Variants in PIGG observed in about 807,000 individuals in gnomAD.
PIGG encodes the protein phosphatidylinositol glycan anchor biosynthesis class G (EMM blood group).
A neutral mutation model predicts 83.2 loss-of-function variants in PIGG; 70 were observed. The ratio of observed to expected loss-of-function variants is 0.84; its 90% CI spans 0.69 to 1.03. The LOEUF (loss-of-function observed/expected upper bound fraction) is 1.03, where lower values mean the gene tolerates loss of function less well. Among genes scored for constraint, PIGG ranks in the 50% least tolerant of loss-of-function variants. PIGG has a pLI of 0.00. For synonymous variants in PIGG, 532 were observed against 519.5 expected (o/e 1.02, Z -0.33); for missense variants, 1,257 against 1,233.6 (o/e 1.02, Z -0.28).
intron 12 of PIGG, among the ~76,000 whole-genome samples, chr4:535,889 T>C (rs1317407203): frequency 6.6e-6 from 1 of 152,168 alleles, no homozygotes; most frequent in Non-Finnish European, 1.5e-5. Flanking sequence ...CAGGGACCCT[T>C]GGCCTTGCCT....
At chr4:504,950 G>T (rs944764802) in intron 2 of PIGG, among the ~76,000 whole-genome samples, 2 of 152,162 alleles carry the variant, frequency 1.3e-5, no homozygotes, top group Non-Finnish European at 2.9e-5. Flanking sequence ...GCAAATTGCT[G>T]AAAGTTCACG....
In PIGG at chr4:500,387, A is replaced by C. The variant is rs782778397; in HGVS notation, c.155-9A>C. 6.2e-7 allele frequency: 1 copy of C among 1,606,986 alleles called. No individual in the cohort carries two copies. The highest frequency in any genetic ancestry group is 8.5e-7 in the Non-Finnish European group (1 of 1,175,588). ...GTTCAATTTCCTTTTTTTTCTTTCA[A>C]ACACTTAGGAGCCAGTTCTAACTGG... On this transcript the variant is annotated splice_polypyrimidine_tract_variant and intron_variant, in intron 1 of 12. Transcript: ENST00000453061.
At chr4:534,021 G>A (rs763042815) in intron 12 of PIGG, 40 bp downstream of exon 12, 22 of 1,594,804 alleles carry the variant, frequency 1.4e-5, no homozygotes, top group East Asian at 2.2e-5. Context: ...TCTGGGGGCC[G>A]GCTGCCTGGT....
In PIGG at chr4:528,343, G is replaced by A. The variant is rs970804634; in HGVS notation, c.2261+1113G>A. ...TTTTTACTTATTTTTGTATCTTAGC[G>A]ATGTCTAGAGTTAATAAGTGTTGCT... On this transcript the variant is annotated intron_variant, in intron 10 of 12. Coordinates refer to ENST00000453061, the MANE Select transcript of PIGG (RefSeq NM_001127178.3). The surrounding 1 kb of genome is among the most constrained non-coding windows in gnomAD (Gnocchi z 4.8). 11 of 985,042 alleles carry A rather than the reference G, an allele frequency of 1.1e-5. No individual in the cohort carries two copies. Among genetic ancestry groups the A allele is most frequent in the Non-Finnish European group, 1.2e-5 (10 of 829,776 alleles). 61.0% of individuals were successfully genotyped at this position (985,042 alleles called of 1,614,324 possible).
intron 2 of PIGG, among the ~76,000 whole-genome samples, chr4:503,608 CT>C (rs575087493): frequency 9.2e-5 from 14 of 152,172 alleles, no homozygotes; most frequent in Non-Finnish European, 1.8e-4. Flanking sequence ...TCAAGTGGCA[CT>C]TCCATAGGAA....
At chr4:505,632 CAAA>C (rs374663154) in intron 2 of PIGG, 83 bp from the exon 3 acceptor site, 1,725 of 732,934 alleles carry the variant, frequency 2.4e-3, no homozygotes, top group Non-Finnish European at 2.6e-3. Context: ...GACCCTGTCT[CAAA>C]AAAAAAAAAA....
chr4:504,758 T>C (rs982767457), intron 2 of PIGG, among the ~76,000 whole-genome samples: 1 of 152,168 alleles, frequency 6.6e-6, no homozygotes, highest in South Asian at 2.1e-4. Flanking sequence ...CAGAGATCTG[T>C]TACCCATTAC....
rs367723108 is a variant in PIGG at position 530,651 on chromosome 4, T to C, written c.2477T>C (p.Leu826Pro). The C allele has an allele frequency of 1.9e-6, 3 of 1,613,560 alleles. No homozygotes were observed. Among genetic ancestry groups the C allele is most frequent in the Non-Finnish European group, 2.5e-6 (3 of 1,179,454 alleles). Residue 826 changes from leucine to proline, a missense_variant, in exon 11 of 13, where the codon CTA (leucine) becomes CCA (proline). Transcript: ENST00000453061. ...GCATTTAGCCTCTTGATTCAGACTCTAATGACTAAATTCATCTGGAAGCCC... is the reference window on the plus strand; with the variant it reads ...GCATTTAGCCTCTTGATTCAGACTCCAATGACTAAATTCATCTGGAAGCCC... ...VLAFSLLIQT[L>P]MTKFIWKPLR... is the part of the protein sequence containing the mutation.
chr4:515,479 A>G lies in PIGG; in HGVS notation c.902-494A>G, dbSNP rs1049071050. On this transcript the variant is annotated intron_variant, in intron 5 of 12. Coordinates refer to ENST00000453061, the MANE Select transcript of PIGG (RefSeq NM_001127178.3). This position sits in a 1 kb window ranked among gnomAD's most constrained non-coding sequence, Gnocchi z 4.2. ...TGCCTCATTCTGCGCTCCCCTATAG[A>G]AGCACCCACAGCTGCCCAGGAGCCG... Among the ~76,000 whole-genome samples, 1 of 152,144 alleles carries G rather than the reference A, an allele frequency of 6.6e-6. No individual in the cohort carries two copies. The highest frequency in any genetic ancestry group is 1.5e-5 in the Non-Finnish European group (1 of 68,028).
rs1472549633 is a variant in PIGG at position 499,395 on chromosome 4, C to G, written c.60C>G (p.Ile20Met). 1.9e-6 allele frequency: 3 copies of G among 1,609,832 alleles called. No homozygotes were observed. The highest frequency in any genetic ancestry group is 2.5e-6 in the Non-Finnish European group (3 of 1,179,914). ...GCGTAGCGATCGAGGTGCTAGGGAT[C>G]GCGGTCTTCCTTCGGGGATTCTTCC... is the stretch of plus-strand genomic sequence containing the variant. ...TCCVAIEVLG[I>M]AVFLRGFFPA... Residue 20 changes from isoleucine to methionine, a missense_variant, in exon 1 of 13, where the codon ATC becomes ATG. Coordinates refer to ENST00000453061, the MANE Select transcript of PIGG (RefSeq NM_001127178.3).
intron 2 of PIGG, chr4:501,916 G>T: frequency 6.6e-6 from 1 of 152,366 alleles, no homozygotes. Flanking sequence ...TGGAAGGAAT[G>T]GAGAGGGAGG....
rs1458461145 is a variant in PIGG, at chr4:515,897, G to C, written c.902-76G>C. On this transcript the variant is annotated intron_variant, in intron 5 of 12. Transcript: ENST00000453061. This position sits in a 1 kb window ranked among gnomAD's most constrained non-coding sequence, Gnocchi z 4.2. Reference sequence around the variant, plus strand: ...GATCATTTGGCTCATGTTAGTTGTAGAAGGTCTAATTCAAGAATGAGTACC... The same window carrying C: ...GATCATTTGGCTCATGTTAGTTGTACAAGGTCTAATTCAAGAATGAGTACC... The C allele has an allele frequency of 1.8e-6, 2 of 1,132,968 alleles. No individual in the cohort carries two copies. Among genetic ancestry groups the C allele is most frequent in the Non-Finnish European group, 2.7e-6 (2 of 746,016 alleles). 70.2% of individuals were successfully genotyped at this position (1,132,968 alleles called of 1,614,324 possible). A position where few individuals can be genotyped will look rare whatever the true frequency, so the allele number is the denominator to read the frequency against.
At chr4:538,935 G>A (rs1053505654) in intron 12 of PIGG, among the ~76,000 whole-genome samples, 6 of 152,160 alleles carry the variant, frequency 3.9e-5, no homozygotes, top group Admixed American at 1.3e-4. Flanking sequence ...CTAGAACACA[G>A]CCTCCAAGGG....
At position 533,849 on chromosome 4, in the gene PIGG, T is replaced by C. The variant is rs768109381; in HGVS notation, c.2603T>C (p.Ile868Thr). ...TCCAACAACATTGCCACCGTGGACA[T>C]CTCCGCAGGCTTCGTGGGCTTAGAC... is the stretch of plus-strand genomic sequence containing the variant. Reference protein sequence around the residue: ...GNSNNIATVDISAGFVGLDTY... With the variant: ...GNSNNIATVDTSAGFVGLDTY... The change falls in exon 12 of 13, where the codon ATC (isoleucine) becomes ACC (threonine). Residue 868 changes from isoleucine (I) to threonine (T), a missense_variant. Transcript: ENST00000453061. 2.5e-6 allele frequency: 4 copies of C among 1,614,228 alleles called. No individual in the cohort carries two copies. The highest frequency in any genetic ancestry group is 1.1e-5 in the South Asian group (1 of 91,088).
intron 2 of PIGG, 72 bp from the exon 3 acceptor site, chr4:505,646 A>AAC (rs1466076194): frequency 1.7e-6 from 2 of 1,149,008 alleles, no homozygotes; most frequent in South Asian, 1.4e-5. Context: ...AAAAAAAAAA[A>AAC]AAATCTTCAG....
intron 12 of PIGG, among the ~76,000 whole-genome samples, chr4:535,386 C>T (rs1382181744): frequency 6.6e-6 from 1 of 152,234 alleles, no homozygotes; most frequent in Non-Finnish European, 1.5e-5. Context: ...CACGAATCCC[C>T]GCAGCGCCTA....
At position 499,260 on chromosome 4, in the gene PIGG, T is replaced by G. The variant is rs1442419314; in HGVS notation, c.-76T>G. The G allele has an allele frequency of 6.6e-7, 1 of 1,520,252 alleles. No homozygotes were observed. The highest frequency in any genetic ancestry group is 1.4e-5 in the African/African-American group (1 of 72,868). 94.2% of individuals were successfully genotyped at this position (1,520,252 alleles called of 1,614,324 possible). ...GCGTTATTGCTTAGAGGCGGCTACC[T>G]GGAGCCGGAAGCGCGGCTGCAGCAG... On this transcript the variant is annotated 5_prime_UTR_variant, in exon 1 of 13. Coordinates refer to ENST00000453061, the MANE Select transcript of PIGG (RefSeq NM_001127178.3).
Position 528,604 on chromosome 4 carries a change from A to C in PIGG, c.2261+1374A>C. 1 of 985,374 alleles carries C rather than the reference A, an allele frequency of 1.0e-6. No individual in the cohort carries two copies. The highest frequency in any genetic ancestry group is 1.2e-6 in the Non-Finnish European group (1 of 829,918). The allele number at this position is 985,374 out of a possible 1,614,324, so 61.0% of individuals were successfully genotyped here. A position where few individuals can be genotyped will look rare whatever the true frequency, so the allele number is the denominator to read the frequency against. On this transcript the variant is annotated intron_variant, in intron 10 of 12. Coordinates refer to ENST00000453061, the MANE Select transcript of PIGG (RefSeq NM_001127178.3). The surrounding 1 kb of genome is among the most constrained non-coding windows in gnomAD (Gnocchi z 4.8). The stretch of plus-strand genomic sequence containing the variant: ...TGCAGGTACCAGCGGTGTTCTGTGG[A>C]GATGTCTCAAAGGCTGTTGACTTTG...
chr4:533,890 C>G lies in PIGG; in HGVS notation c.2644C>G (p.Pro882Ala), dbSNP rs754519011. Residue 882 changes from proline to alanine, a missense_variant, in exon 12 of 13, where the codon CCA (proline) becomes GCA (alanine). Pro to Ala is a conservative substitution (Grantham distance 27). Coordinates refer to ENST00000453061, the MANE Select transcript of PIGG (RefSeq NM_001127178.3). The part of the protein sequence containing the change: ...FVGLDTYVEI[P>A]AVLLTAFGTY... ...GGGCTTAGACACCTACGTGGAAATC[C>G]CAGCCGTGCTCCTGACAGCGTTTGG... 8 of 1,614,096 alleles carry G rather than the reference C, an allele frequency of 5.0e-6. No homozygotes were observed. Among genetic ancestry groups the G allele is most frequent in the Non-Finnish European group, 6.8e-6 (8 of 1,180,026 alleles).
Sources: allele counts gnomAD v4.1 joint callset (sites outside exome capture counted in the v4.1 genomes callset), GRCh38; gene constraint gnomAD v4.1.1; non-coding constraint Gnocchi (gnomAD v3.1); transcripts MANE v1.5; gene names NCBI Gene and HGNC (gene_info 2026-07-23, HGNC 2026-07-21).